Variants in NT5DC1 observed in about 807,000 individuals in gnomAD.
The protein encoded by NT5DC1 is 5'-nucleotidase domain-containing protein 1.
A neutral mutation model predicts 59.4 loss-of-function variants in NT5DC1; 42 were observed. That is an observed-to-expected ratio of 0.71 (90% confidence interval 0.55 to 0.92). NT5DC1 has a LOEUF of 0.92. Among genes scored for constraint, NT5DC1 ranks in the 40% least tolerant of loss-of-function variants. The pLI is 0.00. For missense variants in NT5DC1, 501 were observed against 537.1 expected, an observed-to-expected ratio of 0.93 and a Z score of 0.66; for synonymous variants, 172 against 188.1, an observed-to-expected ratio of 0.91 and a Z score of 0.70.
Position 116,248,187 on chromosome 6 carries a change from C to T in NT5DC1, c.*4163C>T, listed in dbSNP as rs1248637541. Reference sequence around the variant, plus strand: ...AGTAGAAGTTATGCTAGCTTGAAATCAGAAAACTCAACAGTGAGACTTGCA... The same window carrying T: ...AGTAGAAGTTATGCTAGCTTGAAATTAGAAAACTCAACAGTGAGACTTGCA... On this transcript the variant is annotated 3_prime_UTR_variant, in exon 12 of 12. Transcript: ENST00000319550. 1.3e-5 allele frequency: 2 copies of T among 152,208 alleles called. No homozygotes were observed. The highest frequency in any genetic ancestry group is 4.8e-5 in the African/African-American group (2 of 41,456). 9.4% of individuals were successfully genotyped at this position (152,208 alleles called of 1,614,324 possible).
At chr6:116,193,463 T>C (rs927278561) in intron 6 of NT5DC1, among the ~76,000 whole-genome samples, 8 of 152,086 alleles carry the variant, frequency 5.3e-5, no homozygotes, top group African/African-American at 1.9e-4. Flanking sequence ...TGCTGTGTGA[T>C]CTTGGCTAAA....
At chr6:116,134,742 G>A (rs779000377) in intron 6 of NT5DC1, among the ~76,000 whole-genome samples, 2 of 152,254 alleles carry the variant, frequency 1.3e-5, no homozygotes, top group South Asian at 2.1e-4. Context: ...GAAAATAACC[G>A]TGGTTGCTGT....
At chr6:116,144,616 A>G (rs527540454) in intron 6 of NT5DC1, among the ~76,000 whole-genome samples, 1 of 152,310 alleles carries the variant, frequency 6.6e-6, no homozygotes, top group East Asian at 1.9e-4. Context: ...GGTGTATTTA[A>G]ATTAACCTTG....
chr6:116,115,647 G>C lies in NT5DC1; in HGVS notation c.365-44G>C, dbSNP rs749013162. ...ATATTCCTGTGTATTTCACATGCAT[G>C]CAGCATTATGTTGTTCCCAGTTTAA... On this transcript the variant is annotated intron_variant, in intron 4 of 11. Coordinates refer to ENST00000319550, the MANE Select transcript of NT5DC1 (RefSeq NM_152729.3). 2.5e-5 allele frequency: 23 copies of C among 918,972 alleles called. No homozygotes were observed. The Admixed American group carries it at 4.0e-4, about 16-fold the overall frequency. The allele number at this position is 918,972 out of a possible 1,614,324, so 56.9% of individuals were successfully genotyped here.
chr6:116,222,807 ATTATGT>A (rs1781833787), intron 7 of NT5DC1, among the ~76,000 whole-genome samples: 2 of 151,986 alleles, frequency 1.3e-5, no homozygotes, highest in Admixed American at 1.3e-4. Flanking sequence ...TTTTTTCCTG[ATTATGT>A]TTATACTTCA....
chr6:116,115,947 G>A (rs769926513), intron 5 of NT5DC1, among the ~76,000 whole-genome samples, 177 bp downstream of exon 5: 2 of 152,016 alleles, frequency 1.3e-5, no homozygotes, highest in African/African-American at 4.8e-5. Flanking sequence ...AAATTAAATA[G>A]CAGTGACCTT....
intron 6 of NT5DC1, among the ~76,000 whole-genome samples, chr6:116,161,811 C>T (rs1341156991): frequency 6.6e-6 from 1 of 152,156 alleles, no homozygotes. Flanking sequence ...TTCTAGATTG[C>T]TTTGGGCAGT....
intron 6 of NT5DC1, among the ~76,000 whole-genome samples, chr6:116,186,930 G>T (rs1382280955): frequency 6.6e-6 from 1 of 151,966 alleles, no homozygotes; most frequent in Non-Finnish European, 1.5e-5. Flanking sequence ...TCTTTTGGGG[G>T]TGTTAACCAT....
chr6:116,110,935 A>G lies in NT5DC1; in HGVS notation c.343A>G (p.Thr115Ala), dbSNP rs748044977. The G allele has an allele frequency of 5.0e-6, 8 of 1,612,690 alleles. No homozygotes were observed. In the Admixed American group the frequency reaches 6.7e-5, roughly 13 times the overall value. Residue 115 changes from threonine (T) to alanine (A), a missense_variant, in exon 4 of 12, where the codon ACT (threonine) becomes GCT (alanine). Coordinates refer to ENST00000319550, the MANE Select transcript of NT5DC1 (RefSeq NM_152729.3). ...KKEWKHFLSDTGMACRSGKYY... is the reference protein window; with the variant it reads ...KKEWKHFLSDAGMACRSGKYY... ...AGAGTGGAAGCACTTCTTGTCGGAC[A>G]CTGGAATGGCTTGCCGCTCAGGTAT...
chr6:116,182,362 T>A (rs1333023736), intron 6 of NT5DC1, among the ~76,000 whole-genome samples: 1 of 152,096 alleles, frequency 6.6e-6, no homozygotes, highest in Non-Finnish European at 1.5e-5. Context: ...TGTAAGTATC[T>A]GTTTTGTATA....
chr6:116,228,558 G>A (rs1369580572), intron 8 of NT5DC1, among the ~76,000 whole-genome samples: 14 of 152,068 alleles, frequency 9.2e-5, no homozygotes, highest in African/African-American at 3.4e-4. Context: ...ATCCAGGAGG[G>A]CTAGATGTCT....
chr6:116,187,210 G>A (rs553178132), intron 6 of NT5DC1, among the ~76,000 whole-genome samples: 1 of 152,182 alleles, frequency 6.6e-6, no homozygotes, highest in East Asian at 1.9e-4. Context: ...CCTGTGATGT[G>A]ATCTGTATTC....
At position 116,214,979 on chromosome 6, in the gene NT5DC1, G is replaced by A. The variant is rs528793416; in HGVS notation, c.530-6075G>A. On this transcript the variant is annotated intron_variant, in intron 6 of 11. Transcript: ENST00000319550. ...GGGCTCCACCAGAGGTCTCTAGGGTGGGGGGCATAGGAATTGTTAACATCA... is the reference window on the plus strand; with the variant it reads ...GGGCTCCACCAGAGGTCTCTAGGGTAGGGGGCATAGGAATTGTTAACATCA... Among the ~76,000 whole-genome samples the A allele has an allele frequency of 1.3e-3, 197 of 152,152 alleles. 2 individuals are homozygous for A. Among genetic ancestry groups the A allele is most frequent in the African/African-American group, 4.3e-3 (178 of 41,530 alleles).
At chr6:116,142,014 CA>C (rs1441428118) in intron 6 of NT5DC1, among the ~76,000 whole-genome samples, 1 of 150,200 alleles carries the variant, frequency 6.7e-6, no homozygotes. Flanking sequence ...GATGAAAACT[CA>C]AAAAAAAGAT....
At chr6:116,204,496 C>T (rs1322846827) in intron 6 of NT5DC1, among the ~76,000 whole-genome samples, 3 of 151,868 alleles carry the variant, frequency 2.0e-5, no homozygotes, top group Non-Finnish European at 2.9e-5. Flanking sequence ...GGTAAGTGTA[C>T]ACACATATAT....
At chr6:116,109,558 G>A (rs1260679260) in intron 3 of NT5DC1, among the ~76,000 whole-genome samples, 2 of 152,166 alleles carry the variant, frequency 1.3e-5, no homozygotes, top group African/African-American at 4.8e-5. Flanking sequence ...TACAAGGTCT[G>A]TCTCTCTCCA....
rs932621934 is a variant in NT5DC1, at chr6:116,246,498, T to C, written c.*2474T>C. On this transcript the variant is annotated 3_prime_UTR_variant, in exon 12 of 12. Coordinates refer to ENST00000319550, the MANE Select transcript of NT5DC1 (RefSeq NM_152729.3). ...ACACACACACACACACACACACTTT[T>C]AGTGAACTGGTTTGAATGAAAATAA... is the stretch of plus-strand genomic sequence containing the variant. The C allele has an allele frequency of 4.5e-5, 5 of 111,266 alleles. No individual in the cohort carries two copies. The highest frequency in any genetic ancestry group is 9.0e-5 in the Non-Finnish European group (5 of 55,576). 6.9% of individuals were successfully genotyped at this position (111,266 alleles called of 1,614,324 possible).
At chr6:116,102,911 C>T (rs1258522435) in intron 1 of NT5DC1, among the ~76,000 whole-genome samples, 1 of 152,236 alleles carries the variant, frequency 6.6e-6, no homozygotes, top group African/African-American at 2.4e-5. Context: ...TGGAGGGCCT[C>T]TTTGCTCTGC....
intron 6 of NT5DC1, among the ~76,000 whole-genome samples, chr6:116,161,701 G>C (rs1399767221): frequency 2.6e-5 from 4 of 152,138 alleles, no homozygotes; most frequent in Non-Finnish European, 5.9e-5. Flanking sequence ...GGATTGCTTT[G>C]GCTATTTAGG....
Sources: allele counts gnomAD v4.1 joint callset (sites outside exome capture counted in the v4.1 genomes callset), GRCh38; gene constraint gnomAD v4.1.1; transcripts MANE v1.5; gene names NCBI Gene and HGNC (gene_info 2026-07-23, HGNC 2026-07-21).